NKAIN1: variants seen among roughly 807,000 people sequenced by gnomAD.
NKAIN1 encodes the protein sodium/potassium-transporting ATPase subunit beta-1-interacting protein 1.
Under a neutral mutation model 31.6 loss-of-function variants are expected in NKAIN1, and 13 were observed. That is an observed-to-expected ratio of 0.41 (90% CI 0.27 to 0.65). The LOEUF is 0.65. NKAIN1 is among the 30% of genes least tolerant of loss of function. The pLI is 0.30. For missense variants in NKAIN1, 193 were observed against 262.2 expected (o/e 0.74, Z 1.82); for synonymous variants, 104 against 109.0 (o/e 0.95, Z 0.28).
At chr1:31,186,539 C>T (rs969046720) in intron 2 of NKAIN1, among the ~76,000 whole-genome samples, 2 of 151,826 alleles carry the variant, frequency 1.3e-5, no homozygotes, top group African/African-American at 2.4e-5. Context: ...CATCTTCTCA[C>T]ATGGCTGTGG....
chr1:31,213,724 G>T (rs905979217), intron 1 of NKAIN1, among the ~76,000 whole-genome samples: 1 of 152,202 alleles, frequency 6.6e-6, no homozygotes, highest in African/African-American at 2.4e-5. Flanking sequence ...GTTGGGTGCA[G>T]TGGCTCACAC....
At chr1:31,215,475 C>A (rs373080088) in intron 1 of NKAIN1, among the ~76,000 whole-genome samples, 1 of 152,178 alleles carries the variant, frequency 6.6e-6, no homozygotes, top group African/African-American at 2.4e-5. Flanking sequence ...TCAGACCGCC[C>A]GGGACACTGA....
intron 1 of NKAIN1, among the ~76,000 whole-genome samples, chr1:31,221,437 C>T (rs1557661046): frequency 6.6e-6 from 1 of 151,916 alleles, no homozygotes; most frequent in Non-Finnish European, 1.5e-5. Flanking sequence ...CCTGGAAATC[C>T]ATATATATAT....
At chr1:31,238,146 C>T (rs1351506496) in intron 1 of NKAIN1, among the ~76,000 whole-genome samples, 1 of 152,194 alleles carries the variant, frequency 6.6e-6, no homozygotes, top group Admixed American at 6.5e-5. Flanking sequence ...AGCAGGGCTA[C>T]AATCTCCAGA....
At chr1:31,192,062 C>T (rs1645289834) in intron 1 of NKAIN1, among the ~76,000 whole-genome samples, 1 of 152,170 alleles carries the variant, frequency 6.6e-6, no homozygotes, top group Non-Finnish European at 1.5e-5. Flanking sequence ...AGACATAAGC[C>T]ACTGCGCTGG....
At chr1:31,230,620 C>T (rs1645640503) in intron 1 of NKAIN1, among the ~76,000 whole-genome samples, 1 of 152,218 alleles carries the variant, frequency 6.6e-6, no homozygotes, top group African/African-American at 2.4e-5. Context: ...CAGGCCAGGG[C>T]AGGGAAAGCC....
At chr1:31,183,723 C>T in intron 4 of NKAIN1, 94 bp downstream of exon 4, 1 of 1,326,362 alleles carries the variant, frequency 7.5e-7, no homozygotes, top group Non-Finnish European at 1.0e-6. Context: ...GCTGGGATTG[C>T]AGGCGTGAGC....
chr1:31,207,320 A>T (rs1481894802), intron 1 of NKAIN1, among the ~76,000 whole-genome samples: 1 of 152,204 alleles, frequency 6.6e-6, no homozygotes, highest in Non-Finnish European at 1.5e-5. Context: ...TAAAATGGGG[A>T]TGATGATAAC....
In NKAIN1 at chr1:31,185,299, C is replaced by G. The variant is rs372026148; in HGVS notation, c.221G>C (p.Gly74Ala). The stretch of plus-strand genomic sequence containing the variant: ...GAAGCAGATGATAAATGCATTCCAG[C>G]CAACCCAGAGCACCAGCCAGGCTGC... ...LYAAWLVLWV[G>A]WNAFIICFYL... is the part of the protein sequence containing the mutation. The change falls in exon 3 of 7, where the codon GGC (glycine) becomes GCC (alanine). Residue 74 changes from glycine (G) to alanine (A), a missense_variant. Coordinates refer to ENST00000373736, the MANE Select transcript of NKAIN1 (RefSeq NM_024522.3). 6.3e-5 allele frequency: 101 copies of G among 1,610,810 alleles called. 1 individual carries two copies. In the East Asian group the frequency reaches 1.3e-3, roughly 21 times the overall value.
intron 3 of NKAIN1, among the ~76,000 whole-genome samples, chr1:31,184,604 G>A (rs966325261): frequency 1.3e-5 from 2 of 152,168 alleles, no homozygotes; most frequent in Admixed American, 6.6e-5. Context: ...GGGGCTCAGA[G>A]AGGATCAGCC....
rs939306663 is a variant in NKAIN1 at position 31,198,800 on chromosome 1, C to T, written c.55-10613G>A. On this transcript the variant is annotated intron_variant, in intron 1 of 6. Coordinates refer to ENST00000373736, the MANE Select transcript of NKAIN1 (RefSeq NM_024522.3). ...CCGTTGCCATAGGAACCTTCAGCCC[C>T]GAGTCAGGGCTGCCTCTGTTCTCAG... Among the ~76,000 whole-genome samples the T allele has an allele frequency of 8.6e-5, 13 of 151,868 alleles. No homozygotes were observed. The East Asian group carries it at 1.2e-3, about 14-fold the overall frequency.
chr1:31,190,153 G>A (rs893604846), intron 1 of NKAIN1, among the ~76,000 whole-genome samples: 2 of 152,194 alleles, frequency 1.3e-5, no homozygotes, highest in Non-Finnish European at 2.9e-5. Flanking sequence ...GAAGATATAA[G>A]AAGCCTTTTT....
rs537815529 is a variant in NKAIN1, at chr1:31,224,753, C to T, written c.54+14741G>A. 8.5e-5 allele frequency among the ~76,000 whole-genome samples: 13 copies of T among 152,372 alleles called. 1 individual carries two copies. In the South Asian group the frequency reaches 2.1e-3, roughly 24 times the overall value. ...TCCAGAGCCCTTGCTCTTCCCCACC[C>T]GGTGTCCCACCAGCACGGAGGTGAC... On this transcript the variant is annotated intron_variant, in intron 1 of 6. Transcript: ENST00000373736.
intron 1 of NKAIN1, among the ~76,000 whole-genome samples, chr1:31,220,732 C>A (rs369631167): frequency 1.8e-4 from 22 of 122,086 alleles, no homozygotes; most frequent in Admixed American, 1.8e-3. Context: ...TCCAGCCTGG[C>A]GACAGAGTAA....
At chr1:31,194,443 G>A (rs1645308616) in intron 1 of NKAIN1, among the ~76,000 whole-genome samples, 2 of 107,582 alleles carry the variant, frequency 1.9e-5, no homozygotes, top group Admixed American at 2.9e-4. Context: ...AGTTTCACTC[G>A]TCACCCAGGC....
At chr1:31,232,438 G>GTCT (rs1645660297) in intron 1 of NKAIN1, among the ~76,000 whole-genome samples, 1 of 67,868 alleles carries the variant, frequency 1.5e-5, no homozygotes, top group African/African-American at 4.6e-5. Context: ...GAGAGAGAGA[G>GTCT]AGAGAGAGAG....
At chr1:31,237,476 G>C (rs924870727) in intron 1 of NKAIN1, among the ~76,000 whole-genome samples, 1 of 151,440 alleles carries the variant, frequency 6.6e-6, no homozygotes, top group South Asian at 2.1e-4. Flanking sequence ...CCTTTGGGGA[G>C]GGGTCTAGTT....
intron 3 of NKAIN1, 138 bp downstream of exon 3, chr1:31,185,109 A>C (rs1181675615): frequency 1.5e-5 from 10 of 672,396 alleles, no homozygotes; most frequent in Non-Finnish European, 2.4e-5. Flanking sequence ...GAAATGGGGC[A>C]CACAGATTAT....
intron 1 of NKAIN1, among the ~76,000 whole-genome samples, chr1:31,217,744 C>A (rs1024331118): frequency 2.6e-5 from 4 of 152,240 alleles, no homozygotes; most frequent in African/African-American, 9.6e-5. Context: ...GCCTCAGTGC[C>A]AGGCTCCCTG....
Sources: gnomAD v4.1 joint callset for allele counts (sites outside exome capture counted in the v4.1 genomes callset) on GRCh38, gnomAD v4.1.1 for gene constraint, MANE v1.5 for transcripts, NCBI Gene and HGNC (gene_info 2026-07-23, HGNC 2026-07-21) for gene names.